PRSS41: variants seen among roughly 807,000 people sequenced by gnomAD.
PRSS41 encodes serine protease 41.
PRSS41 carries 37 observed loss-of-function variants against 28.8 expected under a neutral mutation model. The ratio of observed to expected loss-of-function variants is 1.29; its 90% CI spans 0.99 to 1.69. PRSS41 has a LOEUF of 1.69. PRSS41 is among the 40% of genes most tolerant of loss of function. The pLI, the probability that PRSS41 is intolerant of heterozygous loss-of-function variation, is 0.00. For synonymous variants in PRSS41, 195 were observed against 163.1 expected (o/e 1.20, Z -1.49); for missense variants, 431 against 400.7 (o/e 1.08, Z -0.65).
intron 4 of PRSS41, among the ~76,000 whole-genome samples, chr16:2,803,803 A>C (rs1394630489): frequency 6.6e-6 from 1 of 152,096 alleles, no homozygotes; most frequent in Non-Finnish European, 1.5e-5. Context: ...TTTTTTCCTG[A>C]TATAAAATTC....
exon 5 of PRSS41, chr16:2,804,429 C>A: frequency 6.4e-7 from 1 of 1,551,668 alleles, no homozygotes; most frequent in Non-Finnish European, 8.7e-7. Flanking sequence ...AAGCACAGGT[C>A]ACCATCTTAA....
In PRSS41 at chr16:2,804,884, C is replaced by G. The variant is rs546042252; in HGVS notation, c.700-30C>G. On this transcript the variant is annotated intron_variant, in intron 5 of 5. Transcript: ENST00000399677. ...CTCTGCTGCCCCACCCACTCTGCCC[C>G]AGCCTGGGCTCACCCATGCTGCTCC... 1.3e-4 allele frequency: 200 copies of G among 1,547,172 alleles called. No individual in the cohort carries two copies. In the African/African-American group the frequency reaches 2.5e-3, roughly 19 times the overall value.
chr16:2,799,199 G>T, intron 3 of PRSS41, 75 bp downstream of exon 3: 2 of 1,514,504 alleles, frequency 1.3e-6, no homozygotes, highest in Middle Eastern at 1.7e-4. Context: ...CCACCCAGCA[G>T]CTTGGCCTCA....
Position 2,798,618 on chromosome 16 carries a change from A to G in PRSS41, c.65-18A>G. The G allele has an allele frequency of 6.6e-7, 1 of 1,520,980 alleles. No homozygotes were observed. The highest frequency in any genetic ancestry group is 2.2e-5 in the Admixed American group (1 of 45,354). 94.2% of individuals were successfully genotyped at this position (1,520,980 alleles called of 1,614,324 possible). ...CCGGGAGGTGGAGGCCGCGAGGGTC[A>G]CTTCTTGTGTCCTGCAGAGTCGCAG... On this transcript the variant is annotated intron_variant, in intron 1 of 5. Transcript: ENST00000399677.
At chr16:2,802,151 C>T (rs2068992175) in intron 4 of PRSS41, among the ~76,000 whole-genome samples, 1 of 151,432 alleles carries the variant, frequency 6.6e-6, no homozygotes, top group Non-Finnish European at 1.5e-5. Flanking sequence ...CAGAGGGTCT[C>T]CTCACTTCTC....
intron 4 of PRSS41, among the ~76,000 whole-genome samples, 190 bp downstream of exon 4, chr16:2,799,759 A>C (rs577011878): frequency 3.9e-5 from 6 of 152,320 alleles, no homozygotes; most frequent in Admixed American, 1.3e-4. Flanking sequence ...CAGGGACCAA[A>C]CACCCAGTTC....
At chr16:2,804,428 T>G in exon 5 of PRSS41, 1 of 1,551,636 alleles carries the variant, frequency 6.4e-7, no homozygotes, top group Non-Finnish European at 8.7e-7. Context: ...GAAGCACAGG[T>G]CACCATCTTA....
At chr16:2,800,319 T>A (rs891378899) in intron 4 of PRSS41, among the ~76,000 whole-genome samples, 1 of 152,006 alleles carries the variant, frequency 6.6e-6, no homozygotes, top group Non-Finnish European at 1.5e-5. Flanking sequence ...GGCAGGTGAA[T>A]CACCTGAGGT....
chr16:2,798,844 G>A, intron 2 of PRSS41, 115 bp from the exon 3 acceptor site: 3 of 1,289,642 alleles, frequency 2.3e-6, no homozygotes, highest in Non-Finnish European at 3.0e-6. Context: ...CCTTCTTGGC[G>A]CGCGGTTCCC....
chr16:2,798,521 C>A lies in PRSS41; in HGVS notation c.37C>A (p.Leu13Met), dbSNP rs577479475. ...CGGGGCGCTGCTGCTGGCGCTGCTG[C>A]TGGCTCGGGCTGGACTCGGGAAGCC... The change falls in exon 1 of 6, where the codon CTG becomes ATG. Residue 13 changes from leucine (L) to methionine (M), a missense_variant. Physicochemically the swap from Leu to Met is conservative, Grantham distance 15. Transcript: ENST00000399677. 3 of 1,519,698 alleles carry A rather than the reference C, an allele frequency of 2.0e-6. No homozygotes were observed. The South Asian group carries it at 3.6e-5, about 18-fold the overall frequency. 94.1% of individuals were successfully genotyped at this position (1,519,698 alleles called of 1,614,324 possible).
At chr16:2,799,166 C>A in intron 3 of PRSS41, 42 bp downstream of exon 3, 1 of 1,505,858 alleles carries the variant, frequency 6.6e-7, no homozygotes, top group South Asian at 1.3e-5. Flanking sequence ...TTGCTAATGG[C>A]CTCCAGGATG....
At chr16:2,802,506 G>A (rs535965882) in intron 4 of PRSS41, among the ~76,000 whole-genome samples, 2 of 152,114 alleles carry the variant, frequency 1.3e-5, no homozygotes, top group South Asian at 2.1e-4. Flanking sequence ...CTGCAATCTC[G>A]GCACTTTGGG....
At chr16:2,798,512 G>A in exon 1 of PRSS41, 1 of 1,527,380 alleles carries the variant, frequency 6.5e-7, no homozygotes, top group South Asian at 1.2e-5. Flanking sequence ...GCTGCTGCTG[G>A]CGCTGCTGCT....
At chr16:2,804,794 C>T (rs1171244598) in intron 5 of PRSS41, 120 bp from the exon 6 acceptor site, 6 of 879,580 alleles carry the variant, frequency 6.8e-6, no homozygotes, top group Non-Finnish European at 8.9e-6. Context: ...AGACTTGATT[C>T]CATGGGAAGG....
Position 2,798,675 on chromosome 16 carries a change from G to T in PRSS41, c.91+13G>T. The T allele has an allele frequency of 6.8e-7, 1 of 1,460,194 alleles. No homozygotes were observed. The highest frequency in any genetic ancestry group is 9.0e-7 in the Non-Finnish European group (1 of 1,109,616). 90.5% of individuals were successfully genotyped at this position (1,460,194 alleles called of 1,614,324 possible). A position where few individuals can be genotyped will look rare whatever the true frequency, so the allele number is the denominator to read the frequency against. On this transcript the variant is annotated intron_variant, in intron 2 of 5. Transcript: ENST00000399677. Reference sequence around the variant, plus strand: ...GAGCTGTTGTCAGGTAGGGCGCCCAGGACGCGCGATGCCAGCCAGGGCGGC... The same window carrying T: ...GAGCTGTTGTCAGGTAGGGCGCCCATGACGCGCGATGCCAGCCAGGGCGGC...
At chr16:2,800,927 A>G (rs1364038262) in intron 4 of PRSS41, among the ~76,000 whole-genome samples, 1 of 152,018 alleles carries the variant, frequency 6.6e-6, no homozygotes, top group Non-Finnish European at 1.5e-5. Flanking sequence ...CTTTTTTTCT[A>G]TTCCATACAC....
chr16:2,801,445 G>A (rs2068985609), intron 4 of PRSS41, among the ~76,000 whole-genome samples: 1 of 150,458 alleles, frequency 6.6e-6, no homozygotes, highest in Non-Finnish European at 1.5e-5. Flanking sequence ...AGATAAACAA[G>A]TGAACAAAGG....
At chr16:2,799,242 G>T (rs1457598906) in intron 3 of PRSS41, 44 bp from the exon 4 acceptor site, 2 of 1,542,130 alleles carry the variant, frequency 1.3e-6, no homozygotes, top group South Asian at 1.2e-5. Flanking sequence ...CAGGCGGCCA[G>T]CCCCCTATTC....
chr16:2,803,823 T>G (rs1200741939), intron 4 of PRSS41, among the ~76,000 whole-genome samples: 1 of 152,240 alleles, frequency 6.6e-6, no homozygotes. Flanking sequence ...CTTGGTTGAC[T>G]GTTTCTGTTA....
Sources: allele counts gnomAD v4.1 joint callset (sites outside exome capture counted in the v4.1 genomes callset), GRCh38; gene constraint gnomAD v4.1.1; transcripts MANE v1.5; gene names NCBI Gene and HGNC (gene_info 2026-07-23, HGNC 2026-07-21).